DCDC1: variants seen among roughly 807,000 people sequenced by gnomAD.
The protein encoded by DCDC1 is doublecortin domain-containing protein 1.
Under a neutral mutation model 178.3 loss-of-function variants are expected in DCDC1, and 200 were observed. The ratio of observed to expected loss-of-function variants is 1.12; its 90% CI spans 1.00 to 1.26. The LOEUF is 1.26. Ranked by LOEUF, DCDC1 falls within the 50% of genes most tolerant of loss-of-function variation. The pLI, the probability that DCDC1 is intolerant of heterozygous loss-of-function variation, is 0.00. For synonymous variants in DCDC1, 690 were observed against 604.8 expected (o/e 1.14, Z -2.07); for missense variants, 1,983 against 1,749.2 (o/e 1.13, Z -2.38).
At chr11:31,294,972 G>A (rs2137457629) in intron 6 of DCDC1, among the ~76,000 whole-genome samples, 1 of 152,242 alleles carries the variant, frequency 6.6e-6, no homozygotes, top group Non-Finnish European at 1.5e-5. Context: ...CGGATGTGAT[G>A]GGAAGCTGTT....
At chr11:30,877,417 T>C (rs1942234027) in intron 38 of DCDC1, among the ~76,000 whole-genome samples, 1 of 152,218 alleles carries the variant, frequency 6.6e-6, no homozygotes, top group Admixed American at 6.5e-5. Flanking sequence ...CTCTGATTTG[T>C]AACTGCTATT....
chr11:30,891,136 A>G (rs1943739372), intron 36 of DCDC1, among the ~76,000 whole-genome samples: 1 of 152,192 alleles, frequency 6.6e-6, no homozygotes. Context: ...TGTCAATTTG[A>G]CATATTAATT....
At chr11:31,308,799 T>C (rs925529718) in intron 3 of DCDC1, among the ~76,000 whole-genome samples, 2 of 152,174 alleles carry the variant, frequency 1.3e-5, no homozygotes, top group Non-Finnish European at 2.9e-5. Context: ...TATTGAGCTG[T>C]GTGGTGATCA....
At chr11:31,103,973 G>C (rs1958678794) in intron 13 of DCDC1, among the ~76,000 whole-genome samples, 1 of 152,006 alleles carries the variant, frequency 6.6e-6, no homozygotes, top group Non-Finnish European at 1.5e-5. Context: ...TCTATAATAT[G>C]CCAAAATAGT....
intron 20 of DCDC1, among the ~76,000 whole-genome samples, chr11:30,962,538 C>T (rs1290691768): frequency 1.3e-5 from 2 of 151,976 alleles, no homozygotes; most frequent in African/African-American, 2.4e-5. Context: ...TTATATCCCT[C>T]TCAACTGATT....
chr11:31,135,110 T>C (rs1457276307), intron 10 of DCDC1, among the ~76,000 whole-genome samples: 3 of 152,234 alleles, frequency 2.0e-5, no homozygotes, highest in African/African-American at 7.2e-5. Flanking sequence ...TGGAAAATTA[T>C]GTGAAATGAA....
intron 3 of DCDC1, among the ~76,000 whole-genome samples, chr11:31,315,486 G>A (rs1565600047): frequency 6.6e-6 from 1 of 150,862 alleles, no homozygotes; most frequent in Non-Finnish European, 1.5e-5. Context: ...ACAGGTGCAC[G>A]CTGCCATGCC....
At chr11:31,000,281 C>T (rs1049622602) in intron 20 of DCDC1, among the ~76,000 whole-genome samples, 1 of 152,146 alleles carries the variant, frequency 6.6e-6, no homozygotes, top group African/African-American at 2.4e-5. Context: ...GTATAATTGT[C>T]TTCAACACTG....
intron 34 of DCDC1, 67 bp downstream of exon 34, chr11:30,899,474 A>T: frequency 1.0e-6 from 1 of 1,003,918 alleles, no homozygotes; most frequent in Admixed American, 3.5e-5. Flanking sequence ...GGTAGAAAAT[A>T]ACCATTAGCA....
intron 9 of DCDC1, among the ~76,000 whole-genome samples, chr11:31,209,936 C>A (rs1326724495): frequency 1.3e-5 from 2 of 152,102 alleles, no homozygotes; most frequent in African/African-American, 4.8e-5. Context: ...GATGTGGGAC[C>A]AGAGAAAACA....
intron 9 of DCDC1, among the ~76,000 whole-genome samples, chr11:31,179,955 T>G (rs1486517957): frequency 6.6e-6 from 1 of 152,198 alleles, no homozygotes; most frequent in Non-Finnish European, 1.5e-5. Context: ...AGGTAGGATT[T>G]ATCCCAGGAA....
chr11:31,293,077 C>T (rs1197208146), intron 6 of DCDC1, among the ~76,000 whole-genome samples: 1 of 152,052 alleles, frequency 6.6e-6, no homozygotes, highest in Non-Finnish European at 1.5e-5. Context: ...AGCATCACTC[C>T]ACTACGTGAC....
rs182133791 is a variant in DCDC1 at position 30,957,379 on chromosome 11, A to G, written c.2592-4811T>C. ...CTTTCTCTCCTAAACCATTCCTATTAGATTTTCATCTCTGAAACTCCAATG... is the reference window on the plus strand; with the variant it reads ...CTTTCTCTCCTAAACCATTCCTATTGGATTTTCATCTCTGAAACTCCAATG... On this transcript the variant is annotated intron_variant, in intron 20 of 38. Coordinates refer to ENST00000684477, the MANE Select transcript of DCDC1 (RefSeq NM_001387274.1). Among the ~76,000 whole-genome samples, 31 of 152,266 alleles carry G rather than the reference A, an allele frequency of 2.0e-4. No individual in the cohort carries two copies. In the East Asian group the frequency reaches 5.2e-3, roughly 26 times the overall value.
intron 36 of DCDC1, among the ~76,000 whole-genome samples, chr11:30,881,784 C>G (rs570594248): frequency 5.9e-5 from 9 of 152,228 alleles, no homozygotes; most frequent in Non-Finnish European, 1.2e-4. Flanking sequence ...TTCACTGGCT[C>G]TATGATTCTA....
Position 30,892,445 on chromosome 11 carries a change from C to CAGAGT in DCDC1, c.5082+372_5082+373insACTCT, listed in dbSNP as rs1274128301. Among the ~76,000 whole-genome samples the CAGAGT allele has an allele frequency of 1.4e-4, 21 of 151,998 alleles. No homozygotes were observed. The South Asian group carries it at 4.0e-3, about 29-fold the overall frequency. On this transcript the variant is annotated intron_variant, in intron 36 of 38. Transcript: ENST00000684477. ...AAGGACACATGCCACTGCACTCCAG[C>CAGAGT]CTGGGTGACAGAGTGAGACTCTGTC...
At position 30,900,391 on chromosome 11, in the gene DCDC1, T is replaced by A; in HGVS notation, c.4618A>T (p.Ile1540Phe). 6.3e-7 allele frequency: 1 copy of A among 1,578,698 alleles called. No individual in the cohort carries two copies. The highest frequency in any genetic ancestry group is 8.6e-7 in the Non-Finnish European group (1 of 1,161,686). ...SLLTLILRNP[I>F]AIWVSCGEPF... Reference sequence around the variant, plus strand: ...TCACCACAAGACACCCAGATGGCAATAGGATTTCTGAGGATGAGGGTAAGC... The same window carrying A: ...TCACCACAAGACACCCAGATGGCAAAAGGATTTCTGAGGATGAGGGTAAGC... Residue 1540 changes from isoleucine to phenylalanine, a missense_variant, in exon 33 of 39, where the codon ATT becomes TTT. Transcript: ENST00000684477.
At chr11:31,299,465 A>G (rs991679638) in intron 6 of DCDC1, among the ~76,000 whole-genome samples, 14 of 152,188 alleles carry the variant, frequency 9.2e-5, no homozygotes, top group African/African-American at 3.4e-4. Flanking sequence ...ATATTTTAAA[A>G]TACAACTTTT....
intron 15 of DCDC1, among the ~76,000 whole-genome samples, chr11:31,101,779 T>TA (rs35423111): frequency 0.71 from 107,063 of 151,846 alleles, 38,720 homozygotes; most frequent in East Asian, 0.96. Flanking sequence ...ATTTATAGTT[T>TA]AAAAAAACTG....
At chr11:31,299,825 C>A (rs1947964088) in intron 6 of DCDC1, among the ~76,000 whole-genome samples, 1 of 152,042 alleles carries the variant, frequency 6.6e-6, no homozygotes, top group African/African-American at 2.4e-5. Flanking sequence ...TCTTTACTTC[C>A]CATAATACAT....
Sources: gnomAD v4.1 joint callset for allele counts (sites outside exome capture counted in the v4.1 genomes callset) on GRCh38, gnomAD v4.1.1 for gene constraint, MANE v1.5 for transcripts, NCBI Gene and HGNC (gene_info 2026-07-23, HGNC 2026-07-21) for gene names.